The following PDE11A variants were observed in gnomAD, a reference collection of about 807,000 sequenced individuals.
PDE11A encodes dual 3',5'-cyclic-AMP and -GMP phosphodiesterase 11A.
Under a neutral mutation model 100.5 loss-of-function variants are expected in PDE11A, and 100 were observed. The ratio of observed to expected loss-of-function variants is 1.00; its 90% CI spans 0.85 to 1.18. The LOEUF is 1.18. Ranked by LOEUF, PDE11A falls within the 50% of genes most tolerant of loss-of-function variation. The pLI is 0.00. For missense variants in PDE11A, 1,141 were observed against 1,152.6 expected, an observed-to-expected ratio of 0.99 and a Z score of 0.15; for synonymous variants, 381 against 420.8, an observed-to-expected ratio of 0.91 and a Z score of 1.16.
At chr2:178,026,369 A>G (rs1445110272) in intron 1 of PDE11A, among the ~76,000 whole-genome samples, 1 of 152,212 alleles carries the variant, frequency 6.6e-6, no homozygotes, top group African/African-American at 2.4e-5. Flanking sequence ...TAATGTTAAA[A>G]AGTAATTTTT....
chr2:177,859,653 T>C (rs1370102858), intron 5 of PDE11A, among the ~76,000 whole-genome samples: 1 of 151,850 alleles, frequency 6.6e-6, no homozygotes, highest in Non-Finnish European at 1.5e-5. Flanking sequence ...CTCCACCTAA[T>C]GGCAGAATAT....
chr2:177,769,847 C>T (rs1056103863), intron 9 of PDE11A, among the ~76,000 whole-genome samples: 3 of 145,828 alleles, frequency 2.1e-5, no homozygotes, highest in Non-Finnish European at 3.0e-5. Context: ...GAGATCATGC[C>T]ACTGCACTCC....
At chr2:177,734,324 C>T (rs771065410) in intron 10 of PDE11A, among the ~76,000 whole-genome samples, 2 of 151,782 alleles carry the variant, frequency 1.3e-5, no homozygotes, top group Admixed American at 6.6e-5. Context: ...CTTGTCTTCT[C>T]GGGGAGCAAA....
intron 1 of PDE11A, among the ~76,000 whole-genome samples, chr2:178,106,803 T>C (rs2087622845): frequency 6.6e-6 from 1 of 151,506 alleles, no homozygotes; most frequent in South Asian, 2.1e-4. Flanking sequence ...CTACTAAAAA[T>C]ACAAAAATTA....
intron 9 of PDE11A, among the ~76,000 whole-genome samples, chr2:177,789,223 G>C (rs1405641104): frequency 6.6e-6 from 1 of 152,122 alleles, no homozygotes; most frequent in Non-Finnish European, 1.5e-5. Context: ...GGGATGCAAG[G>C]CTGGCTCAAT....
intron 9 of PDE11A, among the ~76,000 whole-genome samples, chr2:177,789,540 A>G (rs7423941): frequency 0.54 from 80,892 of 149,756 alleles, 22,717 homozygotes; most frequent in African/African-American, 0.67. Context: ...TCTGGCCAGG[A>G]CAATTAGGCA....
chr2:177,985,381 A>G (rs1158232533), intron 2 of PDE11A, among the ~76,000 whole-genome samples: 1 of 152,190 alleles, frequency 6.6e-6, no homozygotes, highest in Non-Finnish European at 1.5e-5. Context: ...GATTGACACA[A>G]TTTACCTCCA....
intron 2 of PDE11A, among the ~76,000 whole-genome samples, chr2:178,093,890 AAAGGTAACAT>A (rs2087455474): frequency 6.6e-6 from 1 of 152,208 alleles, no homozygotes; most frequent in South Asian, 2.1e-4. Context: ...GAGAAACTGC[AAAGGTAACAT>A]AACCCCAGGC....
At chr2:178,018,499 T>C (rs1160242874) in intron 1 of PDE11A, 2 of 486,312 alleles carry the variant, frequency 4.1e-6, no homozygotes, top group Non-Finnish European at 8.1e-6. Context: ...AAGTAATTCT[T>C]AACACCTTAA....
intron 2 of PDE11A, among the ~76,000 whole-genome samples, chr2:177,911,935 GAAAT>G (rs2084886998): frequency 6.6e-6 from 1 of 152,018 alleles, no homozygotes; most frequent in African/African-American, 2.4e-5. Flanking sequence ...CATGTCTTTT[GAAAT>G]TGTCCACTAT....
intron 2 of PDE11A, among the ~76,000 whole-genome samples, chr2:177,939,524 G>GAA: frequency 8.7e-6 from 1 of 114,638 alleles, no homozygotes; most frequent in African/African-American, 3.3e-5. Context: ...GGGAAGGGAG[G>GAA]GAGGGAGGAA....
intron 1 of PDE11A, among the ~76,000 whole-genome samples, chr2:178,028,699 T>G (rs1332918976): frequency 6.6e-6 from 1 of 152,254 alleles, no homozygotes; most frequent in Non-Finnish European, 1.5e-5. Flanking sequence ...TTTTATGAAC[T>G]AATTCAAGCA....
At chr2:177,689,068 T>C (rs550463098) in intron 15 of PDE11A, among the ~76,000 whole-genome samples, 1 of 152,260 alleles carries the variant, frequency 6.6e-6, no homozygotes, top group African/African-American at 2.4e-5. Flanking sequence ...ACTGTAACTC[T>C]CCTCAATTTC....
At chr2:177,631,655 GTATATA>G (rs1559117696) in intron 19 of PDE11A, among the ~76,000 whole-genome samples, 6 of 132,374 alleles carry the variant, frequency 4.5e-5, no homozygotes, top group African/African-American at 2.0e-4. Context: ...ATATGTGTGT[GTATATA>G]TATACACATA....
chr2:178,023,639 AG>A (rs1158367052), intron 1 of PDE11A, among the ~76,000 whole-genome samples: 1 of 152,234 alleles, frequency 6.6e-6, no homozygotes, highest in Admixed American at 6.5e-5. Context: ...GGTCCTTCAT[AG>A]CCAAAATGCT....
chr2:177,772,008 T>TAAAC (rs2082317776), intron 9 of PDE11A, among the ~76,000 whole-genome samples: 1 of 151,488 alleles, frequency 6.6e-6, no homozygotes. Context: ...TCTCAATAAA[T>TAAAC]AAATAAATAA....
chr2:177,827,997 T>C (rs1487229675), intron 6 of PDE11A, among the ~76,000 whole-genome samples: 1 of 152,270 alleles, frequency 6.6e-6, no homozygotes, highest in Non-Finnish European at 1.5e-5. Context: ...TGTTTAGATA[T>C]TATATTATTT....
intron 2 of PDE11A, among the ~76,000 whole-genome samples, chr2:178,081,505 C>T (rs2087285066): frequency 6.6e-6 from 1 of 152,190 alleles, no homozygotes. Context: ...GAGCACAGTA[C>T]AAAGTGTCAT....
intron 2 of PDE11A, among the ~76,000 whole-genome samples, chr2:177,953,987 G>C (rs1646713158): frequency 6.6e-6 from 1 of 151,856 alleles, no homozygotes; most frequent in South Asian, 2.1e-4. Flanking sequence ...ATGCCTTAGT[G>C]GAAAGCTTTA....
Sources: gnomAD v4.1 joint callset for allele counts (sites outside exome capture counted in the v4.1 genomes callset) on GRCh38, gnomAD v4.1.1 for gene constraint, MANE v1.5 for transcripts, NCBI Gene and HGNC (gene_info 2026-07-23, HGNC 2026-07-21) for gene names.